Variants in CNTNAP2 observed in about 807,000 individuals in gnomAD.
CNTNAP2 encodes the protein contactin associated protein 2.
CNTNAP2 carries 98 observed loss-of-function variants against 155.2 expected under a neutral mutation model. The observed-to-expected ratio is 0.63, with a 90% CI of 0.54 to 0.75. The LOEUF (loss-of-function observed/expected upper bound fraction) is 0.75. Among genes scored for constraint, CNTNAP2 ranks in the 30% least tolerant of loss-of-function variants. The probability of loss-of-function intolerance (pLI) is 0.00; values close to 1 mark genes in which losing one functional copy is unlikely to be tolerated. For missense variants in CNTNAP2, 1,727 were observed against 1,688.1 expected, an observed-to-expected ratio of 1.02 and a Z score of -0.40; for synonymous variants, 651 against 631.2, an observed-to-expected ratio of 1.03 and a Z score of -0.47.
chr7:147,266,431 G>T (rs539426555), intron 8 of CNTNAP2, among the ~76,000 whole-genome samples: 1 of 152,176 alleles, frequency 6.6e-6, no homozygotes. Context: ...TGGTGTATCA[G>T]CCTCAGGGAT....
intron 8 of CNTNAP2, among the ~76,000 whole-genome samples, chr7:147,288,274 G>A (rs1012363831): frequency 3.3e-5 from 5 of 152,164 alleles, no homozygotes; most frequent in African/African-American, 1.2e-4. Context: ...CCCATTGTCT[G>A]TCTTTGCACA....
At chr7:147,433,006 A>G (rs1270716414) in intron 10 of CNTNAP2, among the ~76,000 whole-genome samples, 3 of 152,188 alleles carry the variant, frequency 2.0e-5, no homozygotes, top group Non-Finnish European at 2.9e-5. Flanking sequence ...TGGCAGTGAC[A>G]TGTATGATTC....
chr7:147,929,054 T>C (rs1470147368), intron 14 of CNTNAP2, among the ~76,000 whole-genome samples: 4 of 125,164 alleles, frequency 3.2e-5, no homozygotes, highest in Non-Finnish European at 6.2e-5. Context: ...ACTGCGCCGT[T>C]GCACTCCAGC....
chr7:146,599,768 A>AGATAGATT (rs1798920742), intron 1 of CNTNAP2, among the ~76,000 whole-genome samples: 1 of 151,720 alleles, frequency 6.6e-6, no homozygotes, highest in African/African-American at 2.4e-5. Context: ...ATAGATAGAT[A>AGATAGATT]GATAGATAGA....
At chr7:146,847,935 G>T (rs76615596) in intron 3 of CNTNAP2, among the ~76,000 whole-genome samples, 3 of 152,134 alleles carry the variant, frequency 2.0e-5, no homozygotes, top group Non-Finnish European at 2.9e-5. Flanking sequence ...GATAAAGTGC[G>T]TTAACTTCGG....
chr7:148,296,519 C>T (rs560587981), intron 21 of CNTNAP2, among the ~76,000 whole-genome samples: 1 of 113,036 alleles, frequency 8.8e-6, no homozygotes, highest in Non-Finnish European at 1.7e-5. Flanking sequence ...GCACTTCAGC[C>T]TGGGAAACAG....
intron 9 of CNTNAP2, among the ~76,000 whole-genome samples, chr7:147,379,056 G>C (rs934505990): frequency 6.6e-6 from 1 of 151,886 alleles, no homozygotes; most frequent in African/African-American, 2.4e-5. Flanking sequence ...CCTCACCTTT[G>C]CTCTGTACTT....
intron 1 of CNTNAP2, among the ~76,000 whole-genome samples, chr7:146,157,295 C>T (rs896860479): frequency 2.0e-5 from 3 of 151,868 alleles, no homozygotes; most frequent in African/African-American, 7.3e-5. Context: ...CCAAGATGGC[C>T]GAATAAGAAC....
chr7:148,214,514 A>G (rs916362477), intron 18 of CNTNAP2, among the ~76,000 whole-genome samples: 3 of 152,152 alleles, frequency 2.0e-5, no homozygotes, highest in African/African-American at 4.8e-5. Flanking sequence ...GTTCAATCCT[A>G]TGTTTTCCAA....
At position 146,309,829 on chromosome 7, in the gene CNTNAP2, A is replaced by AAAGGAAGGAAGGAAGG. The variant is rs370487767; in HGVS notation, c.97+192867_97+192882dup. Among the ~76,000 whole-genome samples, 1,142 of 148,912 alleles carry AAAGGAAGGAAGGAAGG rather than the reference A, an allele frequency of 7.7e-3. 12 individuals carry two copies. Among genetic ancestry groups the AAAGGAAGGAAGGAAGG allele is most frequent in the Middle Eastern group, 0.031 (9 of 292 alleles). Reference sequence around the variant, plus strand: ...AAACAAAAAAAAGAAAGAAGAAAGGAAAGGAAGGAAGGAAGGAAGGAAGGA... The same window carrying AAAGGAAGGAAGGAAGG: ...AAACAAAAAAAAGAAAGAAGAAAGGAAAGGAAGGAAGGAAGGAAGGAAGGAAGGAAGGAAGGAAGGA... On this transcript the variant is annotated intron_variant, in intron 1 of 23. Transcript: ENST00000361727.
intron 15 of CNTNAP2, among the ~76,000 whole-genome samples, chr7:148,009,540 C>T (rs1166723864): frequency 6.6e-6 from 1 of 152,012 alleles, no homozygotes; most frequent in African/African-American, 2.4e-5. Context: ...AAATTTGAAC[C>T]ATGTTGGGAG....
chr7:148,108,231 C>T (rs1804265037), intron 15 of CNTNAP2, among the ~76,000 whole-genome samples: 1 of 152,124 alleles, frequency 6.6e-6, no homozygotes, highest in Non-Finnish European at 1.5e-5. Flanking sequence ...GTAACTCTAC[C>T]TTCTTAGTCG....
intron 15 of CNTNAP2, among the ~76,000 whole-genome samples, chr7:147,980,933 C>CAAAAAAAAAAAAAAAAAA: frequency 1.1e-5 from 1 of 94,006 alleles, no homozygotes; most frequent in Non-Finnish European, 1.9e-5. Context: ...TCCATCTTAA[C>CAAAAAAAAAAAAAAAAAA]AAAAAAAAAA....
intron 13 of CNTNAP2, among the ~76,000 whole-genome samples, chr7:147,728,796 C>A (rs954421072): frequency 6.6e-6 from 1 of 151,810 alleles, no homozygotes; most frequent in African/African-American, 2.4e-5. Flanking sequence ...TTTTCTATTG[C>A]AACTGATATT....
At chr7:146,958,378 CTT>C (rs903017081) in intron 3 of CNTNAP2, among the ~76,000 whole-genome samples, 3 of 121,230 alleles carry the variant, frequency 2.5e-5, no homozygotes, top group African/African-American at 9.1e-5. Context: ...TACGCTGATG[CTT>C]TTTTTTCTTC....
intron 23 of CNTNAP2, chr7:148,414,996 C>CCCTCTCCATTCAGGGAAA: frequency 3.3e-6 from 1 of 307,100 alleles, no homozygotes; most frequent in African/African-American, 2.1e-5. Flanking sequence ...ACTCTATCTC[C>CCCTCTCCATTCAGGGAAA]CCTCTCCATT....
At chr7:146,498,677 G>C (rs1192159586) in intron 1 of CNTNAP2, among the ~76,000 whole-genome samples, 1 of 118,700 alleles carries the variant, frequency 8.4e-6, no homozygotes, top group Non-Finnish European at 1.7e-5. Flanking sequence ...TAGGAAGAAA[G>C]TTGCAAAAAA....
At chr7:146,756,532 T>A (rs922433481) in intron 1 of CNTNAP2, among the ~76,000 whole-genome samples, 2 of 152,184 alleles carry the variant, frequency 1.3e-5, no homozygotes, top group Non-Finnish European at 2.9e-5. Context: ...AAGCAAAAGA[T>A]GTTTATTATC....
intron 11 of CNTNAP2, 119 bp from the exon 12 acceptor site, chr7:147,562,019 T>C: frequency 2.3e-6 from 3 of 1,330,534 alleles, no homozygotes; most frequent in Non-Finnish European, 3.2e-6. Context: ...GAACGCTCTT[T>C]CCAGGAAGAA....
Sources: allele counts gnomAD v4.1 joint callset (sites outside exome capture counted in the v4.1 genomes callset), GRCh38; gene constraint gnomAD v4.1.1; transcripts MANE v1.5; gene names NCBI Gene and HGNC (gene_info 2026-07-23, HGNC 2026-07-21).